The following RALGAPA2 variants were observed in gnomAD, a reference collection of about 807,000 sequenced individuals.
The protein encoded by RALGAPA2 is Ral GTPase activating protein catalytic subunit alpha 2.
A neutral mutation model predicts 230.4 loss-of-function variants in RALGAPA2; 139 were observed. That is an observed-to-expected ratio of 0.60 (90% CI 0.53 to 0.69). RALGAPA2 has a LOEUF of 0.69. Among genes scored for constraint, RALGAPA2 ranks in the 30% least tolerant of loss-of-function variants. The pLI is 0.00. For synonymous variants in RALGAPA2, 847 were observed against 837.8 expected, an observed-to-expected ratio of 1.01 and a Z score of -0.19; for missense variants, 2,163 against 2,276.0, an observed-to-expected ratio of 0.95 and a Z score of 1.01.
intron 4 of RALGAPA2, among the ~76,000 whole-genome samples, chr20:20,652,834 C>T (rs2067450924): frequency 6.6e-6 from 1 of 152,154 alleles, no homozygotes; most frequent in East Asian, 1.9e-4. Flanking sequence ...AGTTTCCTCT[C>T]AATGCCACAT....
chr20:20,538,743 A>C (rs1407832717), intron 24 of RALGAPA2, among the ~76,000 whole-genome samples: 1 of 152,142 alleles, frequency 6.6e-6, no homozygotes, highest in African/African-American at 2.4e-5. Context: ...ATGTGTTCAG[A>C]GGAACTGAAT....
At chr20:20,492,413 A>G (rs2062083629) in intron 36 of RALGAPA2, among the ~76,000 whole-genome samples, 1 of 152,208 alleles carries the variant, frequency 6.6e-6, no homozygotes, top group Non-Finnish European at 1.5e-5. Flanking sequence ...AACTTCAAGC[A>G]GCTGCGTCAT....
intron 36 of RALGAPA2, among the ~76,000 whole-genome samples, chr20:20,489,767 A>G (rs551325236): frequency 6.6e-6 from 1 of 152,210 alleles, no homozygotes; most frequent in Non-Finnish European, 1.5e-5. Flanking sequence ...ACCTGTGTGC[A>G]GGAACCTAGG....
intron 10 of RALGAPA2, among the ~76,000 whole-genome samples, chr20:20,628,620 A>T: frequency 6.6e-6 from 1 of 152,128 alleles, no homozygotes; most frequent in East Asian, 1.9e-4. Context: ...GCATTGCAGG[A>T]TATTTAACAA....
chr20:20,712,367 C>A lies in RALGAPA2; in HGVS notation c.106+8G>T. 5 of 1,546,180 alleles carry A rather than the reference C, an allele frequency of 3.2e-6. No individual in the cohort carries two copies. The highest frequency in any genetic ancestry group is 3.5e-6 in the Non-Finnish European group (4 of 1,144,610). ...CGCCCCGACCCCCGCGCCCGGCGCG[C>A]GCCTCACCCAGCAGCGCCCGCAGGT... On this transcript the variant is annotated splice_region_variant and intron_variant, in intron 1 of 39. Transcript: ENST00000202677. The surrounding 1 kb of genome is among the most constrained non-coding windows in gnomAD (Gnocchi z 5.5).
At chr20:20,576,907 C>A (rs1031671130) in intron 20 of RALGAPA2, among the ~76,000 whole-genome samples, 6 of 152,042 alleles carry the variant, frequency 3.9e-5, no homozygotes, top group Admixed American at 2.0e-4. Context: ...TTTCAAAGAA[C>A]AATTTTTAGT....
chr20:20,657,716 C>A (rs569732527), intron 3 of RALGAPA2, among the ~76,000 whole-genome samples: 1 of 152,128 alleles, frequency 6.6e-6, no homozygotes, highest in African/African-American at 2.4e-5. Flanking sequence ...TATTATCTCA[C>A]GCATTCTCCT....
chr20:20,680,643 A>T, intron 2 of RALGAPA2, 48 bp downstream of exon 2: 1 of 1,490,236 alleles, frequency 6.7e-7, no homozygotes, highest in Non-Finnish European at 8.9e-7. Flanking sequence ...TATACAACTT[A>T]TAAAAATGCC....
At chr20:20,440,490 C>T (rs1221920459) in intron 37 of RALGAPA2, among the ~76,000 whole-genome samples, 3 of 152,172 alleles carry the variant, frequency 2.0e-5, no homozygotes, top group Non-Finnish European at 4.4e-5. Context: ...ACTGCTGGTT[C>T]GTTCTTGGGC....
At chr20:20,630,175 T>C (rs1357761198) in intron 9 of RALGAPA2, among the ~76,000 whole-genome samples, 2 of 152,344 alleles carry the variant, frequency 1.3e-5, no homozygotes, top group East Asian at 1.9e-4. Flanking sequence ...TAAAAGACTT[T>C]AGGCATCCAA....
At chr20:20,635,825 T>C (rs961295369) in intron 8 of RALGAPA2, among the ~76,000 whole-genome samples, 1 of 152,200 alleles carries the variant, frequency 6.6e-6, no homozygotes, top group Non-Finnish European at 1.5e-5. Flanking sequence ...TGAGTGATGA[T>C]GGTGATTGTT....
At chr20:20,412,259 T>G in intron 37 of RALGAPA2, 111 bp from the exon 38 acceptor site, 1 of 1,399,742 alleles carries the variant, frequency 7.1e-7, no homozygotes, top group Non-Finnish European at 9.9e-7. Context: ...AAAAGTATCC[T>G]GCAGGTTCTT....
intron 38 of RALGAPA2, among the ~76,000 whole-genome samples, chr20:20,400,972 T>C (rs1383479548): frequency 6.6e-6 from 1 of 152,202 alleles, no homozygotes; most frequent in Non-Finnish European, 1.5e-5. Flanking sequence ...ATGTCCAGAA[T>C]GGGCAGGTCC....
intron 10 of RALGAPA2, among the ~76,000 whole-genome samples, chr20:20,624,412 T>C (rs563916087): frequency 6.7e-6 from 1 of 149,834 alleles, no homozygotes; most frequent in Non-Finnish European, 1.5e-5. Context: ...TTCCAGGACA[T>C]CTTCCTGAAA....
intron 3 of RALGAPA2, among the ~76,000 whole-genome samples, chr20:20,668,662 T>C (rs1426619231): frequency 6.6e-6 from 1 of 152,154 alleles, no homozygotes. Context: ...AGGGCTATTA[T>C]ATGAGTCCAA....
intron 37 of RALGAPA2, among the ~76,000 whole-genome samples, chr20:20,414,088 C>A (rs1309038177): frequency 6.6e-6 from 1 of 152,274 alleles, no homozygotes; most frequent in Non-Finnish European, 1.5e-5. Context: ...CGAACAGGCA[C>A]TCTGACACTA....
chr20:20,532,559 G>C (rs2063393579), intron 26 of RALGAPA2, among the ~76,000 whole-genome samples: 1 of 152,168 alleles, frequency 6.6e-6, no homozygotes, highest in Non-Finnish European at 1.5e-5. Flanking sequence ...GTCAGCTCGG[G>C]GGGTCAGAAG....
At position 20,640,828 on chromosome 20, in the gene RALGAPA2, C is replaced by T. The variant is rs1190884460; in HGVS notation, c.423G>A (p.Gln141=). The T allele has an allele frequency of 6.2e-7, 1 of 1,613,674 alleles. No homozygotes were observed. Among genetic ancestry groups the T allele is most frequent in the East Asian group, 2.2e-5 (1 of 44,830 alleles). Residue 141 remains glutamine (Q), a synonymous_variant, in exon 6 of 40, where the codon CAG becomes CAA. Transcript: ENST00000202677. ...RLFLLWLQAL[Q]TNCAEEQVLI... is the part of the protein sequence containing the mutation. ...GAACCTGCTCTTCTGCACAGTTTGT[C>T]TGAAGTGCTTGAAGCCACAGAAGAA...
intron 12 of RALGAPA2, among the ~76,000 whole-genome samples, chr20:20,616,991 A>G (rs2146323471): frequency 6.6e-6 from 1 of 152,314 alleles, no homozygotes; most frequent in East Asian, 1.9e-4. Context: ...ATATACTATT[A>G]CTGCTTTGAG....
Sources: gnomAD v4.1 joint callset for allele counts (sites outside exome capture counted in the v4.1 genomes callset) on GRCh38, gnomAD v4.1.1 for gene constraint, Gnocchi (gnomAD v3.1) non-coding constraint, MANE v1.5 for transcripts, NCBI Gene and HGNC (gene_info 2026-07-23, HGNC 2026-07-21) for gene names.